The following VSIR variants were observed in gnomAD, a reference collection of about 807,000 sequenced individuals.
VSIR encodes the protein V-type immunoglobulin domain-containing suppressor of T-cell activation.
VSIR carries 10 observed loss-of-function variants against 31.0 expected under a neutral mutation model. That is an observed-to-expected ratio of 0.32 (90% CI 0.20 to 0.55). The LOEUF (loss-of-function observed/expected upper bound fraction) is 0.55. Among genes scored for constraint, VSIR ranks in the 20% least tolerant of loss-of-function variants. VSIR has a pLI of 0.93. For missense variants in VSIR, 356 were observed against 416.2 expected (o/e 0.86, Z 1.26); for synonymous variants, 179 against 180.1 (o/e 0.99, Z 0.05).
intron 3 of VSIR, among the ~76,000 whole-genome samples, chr10:71,758,633 C>T (rs1257683492): frequency 6.6e-6 from 1 of 152,218 alleles, no homozygotes; most frequent in African/African-American, 2.4e-5. Flanking sequence ...AGCTATGCTA[C>T]CCTGGGCTAT....
intron 4 of VSIR, among the ~76,000 whole-genome samples, chr10:71,754,608 C>A (rs1250402468): frequency 6.6e-6 from 1 of 152,162 alleles, no homozygotes; most frequent in Admixed American, 6.5e-5. Flanking sequence ...GATGTTTGTG[C>A]CCATGACTTA....
Position 71,749,750 on chromosome 10 carries a change from TAGCCAC to T in VSIR, c.*1497_*1502del, listed in dbSNP as rs1484290677. ...GTGTCCAGGTGGGGTTCCCTGGCTG[TAGCCAC>T]AGGCCCAGGGCTCACTGCTGCCAGG... On this transcript the variant is annotated 3_prime_UTR_variant, in exon 7 of 7. Coordinates refer to ENST00000394957, the MANE Select transcript of VSIR (RefSeq NM_022153.2). The T allele has an allele frequency of 1.3e-5, 2 of 152,384 alleles. No individual in the cohort carries two copies. Among genetic ancestry groups the T allele is most frequent in the Non-Finnish European group, 2.9e-5 (2 of 68,174 alleles). 9.4% of individuals were successfully genotyped at this position (152,384 alleles called of 1,614,324 possible). A position where few individuals can be genotyped will look rare whatever the true frequency, so the allele number is the denominator to read the frequency against.
chr10:71,753,087 C>A, intron 4 of VSIR, 85 bp from the exon 5 acceptor site: 1 of 1,524,878 alleles, frequency 6.6e-7, no homozygotes, highest in South Asian at 1.2e-5. Flanking sequence ...AGATGCCCTG[C>A]AGGGAACAGG....
At chr10:71,768,056 G>A (rs1475647626) in intron 1 of VSIR, among the ~76,000 whole-genome samples, 4 of 152,200 alleles carry the variant, frequency 2.6e-5, no homozygotes, top group Non-Finnish European at 4.4e-5. Flanking sequence ...CCACCCTCAC[G>A]CTTCTATGCT....
intron 3 of VSIR, 32 bp downstream of exon 3, chr10:71,760,836 A>G (rs776961306): frequency 6.3e-7 from 1 of 1,599,708 alleles, no homozygotes; most frequent in South Asian, 1.1e-5. Flanking sequence ...GAAAACAGAG[A>G]ACCCAAAAGG....
At position 71,761,692 on chromosome 10, in the gene VSIR, C is replaced by T. The variant is rs369497696; in HGVS notation, c.417G>A (p.Leu139=). The T allele has an allele frequency of 3.1e-6, 5 of 1,613,900 alleles. No homozygotes were observed. The African/African-American group carries it at 5.3e-5, about 17-fold the overall frequency. Residue 139 remains leucine (L), a synonymous_variant, in exon 2 of 7, where the codon CTG becomes CTA. Transcript: ENST00000394957. ...FSITMRNLTL[L]DSGLYCCLVV... is the part of the protein sequence containing the mutation. The stretch of plus-strand genomic sequence containing the variant: ...CCAGGCAGCAGTAGAGGCCGCTATC[C>T]AGCAGGGTCAGGTTGCGCATGGTGA...
chr10:71,751,361 C>T lies in VSIR; in HGVS notation c.899-71G>A, dbSNP rs373814096. ...CACCCTCAACCCCACCCCGTGAGGC[C>T]GTGGAACTCTTCAGGGAGGTGAATG... On this transcript the variant is annotated intron_variant, in intron 6 of 6. Transcript: ENST00000394957. This position sits in a 1 kb window ranked among gnomAD's most constrained non-coding sequence, Gnocchi z 4.9. 3 of 1,464,716 alleles carry T rather than the reference C, an allele frequency of 2.0e-6. No homozygotes were observed. Among genetic ancestry groups the T allele is most frequent in the African/African-American group, 1.4e-5 (1 of 70,876 alleles). 90.7% of individuals were successfully genotyped at this position (1,464,716 alleles called of 1,614,324 possible). A position where few individuals can be genotyped will look rare whatever the true frequency, so the allele number is the denominator to read the frequency against.
Position 71,747,943 on chromosome 10 carries a change from T to A in VSIR, c.*3310A>T, listed in dbSNP as rs191537901. Reference sequence around the variant, plus strand: ...GGGAATGCCCAGGGAATGGGCCAGGTGGCCTGTGCCGTCTATGGGCTGGGC... The same window carrying A: ...GGGAATGCCCAGGGAATGGGCCAGGAGGCCTGTGCCGTCTATGGGCTGGGC... On this transcript the variant is annotated 3_prime_UTR_variant, in exon 7 of 7. Coordinates refer to ENST00000394957, the MANE Select transcript of VSIR (RefSeq NM_022153.2). The A allele has an allele frequency of 6.6e-6, 1 of 152,458 alleles. No individual in the cohort carries two copies. Among genetic ancestry groups the A allele is most frequent in the Non-Finnish European group, 1.5e-5 (1 of 68,104 alleles). The allele number at this position is 152,458 out of a possible 1,614,324, so 9.4% of individuals were successfully genotyped here.
chr10:71,764,252 G>T (rs559915097), intron 1 of VSIR, among the ~76,000 whole-genome samples: 1 of 152,250 alleles, frequency 6.6e-6, no homozygotes, highest in African/African-American at 2.4e-5. Flanking sequence ...GGTTTCATGG[G>T]CATATCTAAC....
chr10:71,759,944 CACAT>C (rs1273477769), intron 3 of VSIR, among the ~76,000 whole-genome samples: 11 of 123,872 alleles, frequency 8.9e-5, no homozygotes, highest in East Asian at 2.4e-4. Flanking sequence ...TATACACACA[CACAT>C]ATATATACAC....
In VSIR at chr10:71,747,626, T is replaced by C. The variant is rs1003072946; in HGVS notation, c.*3627A>G. On this transcript the variant is annotated 3_prime_UTR_variant, in exon 7 of 7. Transcript: ENST00000394957. ...CTTTCAGAACCTCTATTGCCCTCTG[T>C]GTTAAATGGCAGCAATAAAACCTCC... 2 of 152,256 alleles carry C rather than the reference T, an allele frequency of 1.3e-5. No homozygotes were observed. Among genetic ancestry groups the C allele is most frequent in the African/African-American group, 4.8e-5 (2 of 41,464 alleles). 9.4% of individuals were successfully genotyped at this position (152,256 alleles called of 1,614,324 possible). A position where few individuals can be genotyped will look rare whatever the true frequency, so the allele number is the denominator to read the frequency against.
Position 71,751,855 on chromosome 10 carries a change from A to T in VSIR, c.711T>A (p.Ile237=). The T allele has an allele frequency of 6.5e-7, 1 of 1,549,564 alleles. No individual in the cohort carries two copies. The highest frequency in any genetic ancestry group is 1.2e-5 in the South Asian group (1 of 81,702). The change falls in exon 6 of 7, where the codon ATT becomes ATA. Residue 237 remains isoleucine (I), a synonymous_variant. Transcript: ENST00000394957. This position sits in a 1 kb window ranked among gnomAD's most constrained non-coding sequence, Gnocchi z 4.9. ...AQELVRMDSN[I]QGIENPGFEA... ...CAAAGCCGGGGTTTTCAATCCCTTG[A>T]ATGTTGCTGCCACAGAACCAGAATG...
At chr10:71,753,899 G>C in intron 4 of VSIR, 2 of 456,302 alleles carry the variant, frequency 4.4e-6, no homozygotes, top group Non-Finnish European at 8.8e-6. Flanking sequence ...AGGTGCACAC[G>C]GGTATTCCCT....
chr10:71,762,315 G>A lies in VSIR; in HGVS notation c.83-289C>T, dbSNP rs186088593. Among the ~76,000 whole-genome samples, 25 of 152,352 alleles carry A rather than the reference G, an allele frequency of 1.6e-4. No homozygotes were observed. In the East Asian group the frequency reaches 4.2e-3, roughly 26 times the overall value. On this transcript the variant is annotated intron_variant, in intron 1 of 6. Transcript: ENST00000394957. ...GCAGTCGGGTGTGTCCCTCTTCCCAGTAGAGTATATGCAAAACCTGTTGGG... is the reference window on the plus strand; with the variant it reads ...GCAGTCGGGTGTGTCCCTCTTCCCAATAGAGTATATGCAAAACCTGTTGGG...
intron 3 of VSIR, among the ~76,000 whole-genome samples, chr10:71,756,152 C>T (rs1194353699): frequency 1.3e-5 from 2 of 152,028 alleles, no homozygotes; most frequent in Non-Finnish European, 2.9e-5. Flanking sequence ...TATTAAACTA[C>T]CAAAAAAAGT....
In VSIR at chr10:71,751,258, T is replaced by G; in HGVS notation, c.931A>C (p.Ile311Leu). ...CCCACTGTCCCCCAGCTGGGCTAGA[T>G]GACCTCAAAGTTTGGAGAGTCAGGG... ...PVPDSPNFEV[I>L] Residue 311 changes from isoleucine to leucine, a missense_variant, in exon 7 of 7, where the codon ATC (isoleucine) becomes CTC (leucine). Ile to Leu is a conservative substitution (Grantham distance 5, BLOSUM62 2). Transcript: ENST00000394957. This position sits in a 1 kb window ranked among gnomAD's most constrained non-coding sequence, Gnocchi z 4.9. 6.2e-7 allele frequency: 1 copy of G among 1,609,792 alleles called. No homozygotes were observed. The highest frequency in any genetic ancestry group is 8.5e-7 in the Non-Finnish European group (1 of 1,177,744).
chr10:71,752,137 A>C, intron 5 of VSIR: 1 of 608,040 alleles, frequency 1.6e-6, no homozygotes, highest in Non-Finnish European at 3.0e-6. Flanking sequence ...CACAGCCAGG[A>C]AGCCAAAAAT....
At chr10:71,772,514 G>C (rs570232303) in intron 1 of VSIR, among the ~76,000 whole-genome samples, 75 of 152,366 alleles carry the variant, frequency 4.9e-4, no homozygotes, top group Non-Finnish European at 7.8e-4. Context: ...CCCCAGCCCG[G>C]GAGCCCCTGT....
rs1057488909 is a variant in VSIR, at chr10:71,748,314, G to A, written c.*2939C>T. On this transcript the variant is annotated 3_prime_UTR_variant, in exon 7 of 7. Coordinates refer to ENST00000394957, the MANE Select transcript of VSIR (RefSeq NM_022153.2). The stretch of plus-strand genomic sequence containing the variant: ...TGGTCAGGCAGAAGTCTTTTGAAAA[G>A]CAGGTCCTGGGGCTCCTGCACCTCC... 1 of 152,438 alleles carries A rather than the reference G, an allele frequency of 6.6e-6. No individual in the cohort carries two copies. The highest frequency in any genetic ancestry group is 1.5e-5 in the Non-Finnish European group (1 of 68,170). The allele number at this position is 152,438 out of a possible 1,614,324, so 9.4% of individuals were successfully genotyped here. A position where few individuals can be genotyped will look rare whatever the true frequency, so the allele number is the denominator to read the frequency against.
Sources: gnomAD v4.1 joint callset for allele counts (sites outside exome capture counted in the v4.1 genomes callset) on GRCh38, gnomAD v4.1.1 for gene constraint, Gnocchi (gnomAD v3.1) non-coding constraint, MANE v1.5 for transcripts, NCBI Gene and HGNC (gene_info 2026-07-23, HGNC 2026-07-21) for gene names.